The following DNAH6 variants were observed in gnomAD, a reference collection of about 807,000 sequenced individuals.
DNAH6 encodes the protein dynein axonemal heavy chain 6.
In DNAH6, 340 loss-of-function variants were observed where a neutral mutation model predicts 491.4. That is an observed-to-expected ratio of 0.69 (90% CI 0.63 to 0.76). The LOEUF is 0.76. Ranked by LOEUF, DNAH6 falls within the 30% of genes least tolerant of loss-of-function variation. DNAH6 has a pLI of 0.00. For missense variants in DNAH6, 4,443 were observed against 4,972.2 expected, an observed-to-expected ratio of 0.89 and a Z score of 3.20; for synonymous variants, 1,603 against 1,686.1, an observed-to-expected ratio of 0.95 and a Z score of 1.21.
Position 84,616,944 on chromosome 2 carries a change from A to T in DNAH6, c.3534A>T (p.Leu1178=). The change falls in exon 23 of 77, where the codon CTA becomes CTT. Residue 1178 remains leucine (L), a synonymous_variant. Coordinates refer to ENST00000389394, the MANE Select transcript of DNAH6 (RefSeq NM_001370.2). The stretch of plus-strand genomic sequence containing the variant: ...TACTTGACCAAATTCAGAAGTGCCT[A>T]GAGGCATACTTAGAATCAAAAAGAG... ...NALLDQIQKC[L]EAYLESKRVI... 1 of 1,505,174 alleles carries T rather than the reference A, an allele frequency of 6.6e-7. No individual in the cohort carries two copies. The highest frequency in any genetic ancestry group is 8.8e-7 in the Non-Finnish European group (1 of 1,130,012). The allele number at this position is 1,505,174 out of a possible 1,614,324, so 93.2% of individuals were successfully genotyped here. A position where few individuals can be genotyped will look rare whatever the true frequency, so the allele number is the denominator to read the frequency against.
At chr2:84,787,103 A>G in intron 67 of DNAH6, 61 bp from the exon 68 acceptor site, 2 of 1,315,910 alleles carry the variant, frequency 1.5e-6, no homozygotes, top group Non-Finnish European at 2.1e-6. Context: ...AGTTTCCAGT[A>G]TTTTACACAA....
intron 39 of DNAH6, among the ~76,000 whole-genome samples, chr2:84,671,040 G>T (rs1692691106): frequency 6.6e-6 from 1 of 152,102 alleles, no homozygotes; most frequent in Non-Finnish European, 1.5e-5. Context: ...GTGGCTCCAG[G>T]TACGTATGGG....
intron 11 of DNAH6, among the ~76,000 whole-genome samples, chr2:84,570,457 A>G (rs1681674050): frequency 6.6e-6 from 1 of 152,052 alleles, no homozygotes; most frequent in Non-Finnish European, 1.5e-5. Context: ...AAATGCACCA[A>G]TCAGCACTCT....
At chr2:84,585,224 A>G (rs1254903021) in intron 15 of DNAH6, among the ~76,000 whole-genome samples, 1 of 152,228 alleles carries the variant, frequency 6.6e-6, no homozygotes, top group East Asian at 1.9e-4. Context: ...GAAAGTAAAC[A>G]CATCTATGTA....
rs1372973726 is a variant in DNAH6 at position 84,598,094 on chromosome 2, TA to T, written c.2868+2306del. On this transcript the variant is annotated intron_variant, in intron 18 of 76. Transcript: ENST00000389394. The stretch of plus-strand genomic sequence containing the variant: ...TATAGTGAGAAAGTGAACTCGTGGT[TA>T]CTCGTGGAACTCGTGGTTCTTTCTA... Among the ~76,000 whole-genome samples, 694 of 142,396 alleles carry T rather than the reference TA, an allele frequency of 4.9e-3. 6 individuals carry two copies. The highest frequency in any genetic ancestry group is 0.019 in the African/African-American group (628 of 32,350). The allele number at this position is 142,396 out of a possible 152,430, so 93.4% of individuals were successfully genotyped here. A position where few individuals can be genotyped will look rare whatever the true frequency, so the allele number is the denominator to read the frequency against.
At chr2:84,693,389 T>TGG (rs112860873) in intron 45 of DNAH6, among the ~76,000 whole-genome samples, 5 of 151,824 alleles carry the variant, frequency 3.3e-5, no homozygotes, top group African/African-American at 7.3e-5. Context: ...TTCCTAAATT[T>TGG]GGGGGGGTTT....
the DNAH6 span, among the ~76,000 whole-genome samples, chr2:84,500,273 A>G: frequency 6.6e-6 from 1 of 152,100 alleles, no homozygotes. Flanking sequence ...TTCCAGCATC[A>G]TTTATTGAAG....
At chr2:84,616,299 T>C (rs1041972964) in intron 22 of DNAH6, among the ~76,000 whole-genome samples, 1 of 152,100 alleles carries the variant, frequency 6.6e-6, no homozygotes, top group Non-Finnish European at 1.5e-5. Context: ...CCCACTATTA[T>C]TGTGTTGTTG....
chr2:84,779,723 T>G (rs183541979), intron 64 of DNAH6, among the ~76,000 whole-genome samples: 171 of 152,326 alleles, frequency 1.1e-3, no homozygotes, highest in Non-Finnish European at 1.7e-3. Context: ...AGTTGCTTTA[T>G]AGAGTCTATG....
chr2:84,574,536 A>G (rs1318456430), intron 12 of DNAH6, among the ~76,000 whole-genome samples: 2 of 152,210 alleles, frequency 1.3e-5, no homozygotes, highest in Non-Finnish European at 2.9e-5. Context: ...TGTCCCTTAA[A>G]TTTTAAAAAT....
rs758305747 is a variant in DNAH6, at chr2:84,786,355, G to A, written c.11100+599G>A. ...GTGGGAGGATTGCTTGAGCCTGGGA[G>A]GTCAAGGCTGAATGAACAGTGATTG... On this transcript the variant is annotated intron_variant, in intron 67 of 76. Transcript: ENST00000389394. 8.6e-5 allele frequency among the ~76,000 whole-genome samples: 13 copies of A among 151,526 alleles called. 1 individual carries two copies. Among genetic ancestry groups the A allele is most frequent in the Admixed American group, 3.9e-4 (6 of 15,202 alleles).
Position 84,710,291 on chromosome 2 carries a change from A to G in DNAH6, c.9257A>G (p.Asn3086Ser). The G allele has an allele frequency of 1.3e-6, 2 of 1,551,504 alleles. No individual in the cohort carries two copies. The highest frequency in any genetic ancestry group is 3.3e-4 in the Middle Eastern group (2 of 5,992). Reference sequence around the variant, plus strand: ...GCTCTGTGCTTTTCCAAACAGGCAAACCGTTGGATAAGGAACAAGGAAAGC... The same window carrying G: ...GCTCTGTGCTTTTCCAAACAGGCAAGCCGTTGGATAAGGAACAAGGAAAGC... ...PLMIDPQDQANRWIRNKESKS... is the reference protein window; with the variant it reads ...PLMIDPQDQASRWIRNKESKS... Residue 3086 changes from asparagine to serine, a missense_variant, in exon 56 of 77, where the codon AAC (asparagine) becomes AGC (serine). Around this residue, in one of 3 missense-constraint regions of DNAH6, gnomAD observed 1,463 missense variants for 1,656.6 expected, o/e 0.88. Coordinates refer to ENST00000389394, the MANE Select transcript of DNAH6 (RefSeq NM_001370.2).
intron 30 of DNAH6, among the ~76,000 whole-genome samples, chr2:84,635,428 C>G (rs1488997068): frequency 6.6e-6 from 1 of 152,156 alleles, no homozygotes; most frequent in Non-Finnish European, 1.5e-5. Flanking sequence ...TTATTAGACT[C>G]TAAAGTCTAA....
chr2:84,545,539 G>A (rs779591272), intron 5 of DNAH6, among the ~76,000 whole-genome samples: 1 of 152,028 alleles, frequency 6.6e-6, no homozygotes, highest in Non-Finnish European at 1.5e-5. Flanking sequence ...ATCAGTCCTC[G>A]AGGCATGTTC....
chr2:84,703,533 T>C lies in DNAH6; in HGVS notation c.8200T>C (p.Leu2734=), dbSNP rs1696132587. 2 of 1,551,194 alleles carry C rather than the reference T, an allele frequency of 1.3e-6. No individual in the cohort carries two copies. Among genetic ancestry groups the C allele is most frequent in the Non-Finnish European group, 1.7e-6 (2 of 1,146,680 alleles). The change falls in exon 50 of 77, where the codon TTG becomes CTG. Residue 2734 remains leucine, a synonymous_variant. Transcript: ENST00000389394. The part of the protein sequence containing the change: ...SEDVEALMEK[L]AVDQESADQV... ...AGATGTTGAAGCCCTGATGGAAAAA[T>C]TGGCAGTGGATCAAGAAAGTGCCGA...
upstream of DNAH6, among the ~76,000 whole-genome samples, chr2:84,514,389 TATA>T (rs1457360018): frequency 1.3e-5 from 2 of 152,150 alleles, no homozygotes; most frequent in African/African-American, 4.8e-5. Context: ...GTGGAATAGG[TATA>T]ATAATACCTC....
intron 40 of DNAH6, among the ~76,000 whole-genome samples, chr2:84,674,591 G>A (rs368324472): frequency 5.3e-5 from 8 of 152,144 alleles, no homozygotes; most frequent in Admixed American, 3.3e-4. Flanking sequence ...CAAGATGAAC[G>A]CATATTCAGT....
At chr2:84,733,633 CTAATCT>C (rs1699294338) in intron 62 of DNAH6, 54 bp downstream of exon 62, 2 of 1,463,128 alleles carry the variant, frequency 1.4e-6, no homozygotes, top group African/African-American at 2.8e-5. Flanking sequence ...CTCTTGAATC[CTAATCT>C]TAATGTTTTC....
At chr2:84,752,951 G>A (rs560156807) in intron 63 of DNAH6, among the ~76,000 whole-genome samples, 1 of 152,226 alleles carries the variant, frequency 6.6e-6, no homozygotes, top group African/African-American at 2.4e-5. Context: ...GCATTATATG[G>A]TATGTTTAAC....
Sources: gnomAD v4.1 joint callset for allele counts (sites outside exome capture counted in the v4.1 genomes callset) on GRCh38, gnomAD v4.1.1 for gene constraint, gnomAD v4.1.1 regional missense constraint, MANE v1.5 for transcripts, NCBI Gene and HGNC (gene_info 2026-07-23, HGNC 2026-07-21) for gene names.